Variants in RIT2 observed in about 807,000 individuals in gnomAD.
RIT2 encodes the protein GTP-binding protein Rit2.
RIT2 carries 24 observed loss-of-function variants against 23.7 expected under a neutral mutation model. The observed-to-expected ratio is 1.01, with a 90% CI of 0.73 to 1.43. The LOEUF (loss-of-function observed/expected upper bound fraction) is 1.43, where lower values mean the gene tolerates loss of function less well. RIT2 is among the 40% of genes most tolerant of loss of function. The pLI, the probability that RIT2 is intolerant of heterozygous loss-of-function variation, is 0.00. For synonymous variants in RIT2, 107 were observed against 91.1 expected, an observed-to-expected ratio of 1.17 and a Z score of -0.99; for missense variants, 236 against 266.9, an observed-to-expected ratio of 0.88 and a Z score of 0.81.
At chr18:42,833,516 C>G (rs1906518478) in intron 4 of RIT2, among the ~76,000 whole-genome samples, 1 of 152,108 alleles carries the variant, frequency 6.6e-6, no homozygotes, top group Admixed American at 6.5e-5. Flanking sequence ...ACTCTATGGG[C>G]ACGAAAGCTA....
intron 1 of RIT2, among the ~76,000 whole-genome samples, chr18:43,085,168 A>G (rs1300336844): frequency 1.3e-5 from 2 of 152,092 alleles, no homozygotes; most frequent in Admixed American, 1.3e-4. Flanking sequence ...CATTAACAAA[A>G]AAAGAAACAA....
At chr18:43,029,658 G>A (rs1211270443) in intron 2 of RIT2, among the ~76,000 whole-genome samples, 1 of 151,932 alleles carries the variant, frequency 6.6e-6, no homozygotes, top group East Asian at 1.9e-4. Flanking sequence ...CAATGAAAAA[G>A]GAATTCTTTC....
intron 1 of RIT2, among the ~76,000 whole-genome samples, chr18:43,044,126 G>C (rs180748886): frequency 6.6e-6 from 1 of 152,092 alleles, no homozygotes; most frequent in African/African-American, 2.4e-5. Context: ...GTAAAAGGGA[G>C]GTACTAAGAA....
intron 4 of RIT2, among the ~76,000 whole-genome samples, chr18:42,814,488 A>G (rs997429720): frequency 5.9e-5 from 9 of 152,136 alleles, no homozygotes; most frequent in Admixed American, 4.6e-4. Context: ...TAGTAGAGAT[A>G]GCCACAATCC....
At chr18:43,104,599 C>A (rs761627730) in intron 1 of RIT2, among the ~76,000 whole-genome samples, 4 of 152,116 alleles carry the variant, frequency 2.6e-5, no homozygotes, top group Admixed American at 6.5e-5. Context: ...GTATTCCAGA[C>A]TTCTGTTACT....
intron 1 of RIT2, among the ~76,000 whole-genome samples, chr18:43,041,622 T>G (rs1912130575): frequency 6.6e-6 from 1 of 152,166 alleles, no homozygotes; most frequent in Non-Finnish European, 1.5e-5. Flanking sequence ...GGTGACAGAT[T>G]AAAAACAATC....
At chr18:42,836,411 G>A (rs1452939451) in intron 4 of RIT2, among the ~76,000 whole-genome samples, 1 of 151,934 alleles carries the variant, frequency 6.6e-6, no homozygotes, top group African/African-American at 2.4e-5. Flanking sequence ...AGGAGCCCAT[G>A]TGTGTGGAAT....
At chr18:43,032,567 T>TA (rs1455929262) in intron 2 of RIT2, among the ~76,000 whole-genome samples, 17 of 152,180 alleles carry the variant, frequency 1.1e-4, no homozygotes, top group African/African-American at 4.1e-4. Flanking sequence ...AAAATGGACT[T>TA]AGAGAATTAC....
chr18:42,878,565 CTGTGTGTGTG>C (rs71371607), intron 4 of RIT2, among the ~76,000 whole-genome samples: 6 of 147,496 alleles, frequency 4.1e-5, no homozygotes, highest in Non-Finnish European at 7.5e-5. Context: ...AGATTCAACT[CTGTGTGTGTG>C]TGTGTGTGTG....
At position 43,095,371 on chromosome 18, in the gene RIT2, T is replaced by A. The variant is rs527293257; in HGVS notation, c.103+20046A>T. 5.9e-5 allele frequency among the ~76,000 whole-genome samples: 9 copies of A among 152,050 alleles called. No homozygotes were observed. In the South Asian group the frequency reaches 1.5e-3, roughly 25 times the overall value. Reference sequence around the variant, plus strand: ...TGCACGAATGTCTTCTTTTGAGAAGTGTCTATTCATATGTTTTGCCCATTT... The same window carrying A: ...TGCACGAATGTCTTCTTTTGAGAAGAGTCTATTCATATGTTTTGCCCATTT... On this transcript the variant is annotated intron_variant, in intron 1 of 4. Transcript: ENST00000326695.
chr18:42,895,401 T>C (rs1337210416), intron 4 of RIT2, among the ~76,000 whole-genome samples: 1 of 152,224 alleles, frequency 6.6e-6, no homozygotes, highest in Non-Finnish European at 1.5e-5. Flanking sequence ...AAATGAAACA[T>C]TTTATAATCC....
intron 4 of RIT2, among the ~76,000 whole-genome samples, chr18:42,866,145 T>C (rs1444565620): frequency 6.6e-6 from 1 of 152,204 alleles, no homozygotes; most frequent in Non-Finnish European, 1.5e-5. Flanking sequence ...ATTATGGTTT[T>C]GAAACAATTG....
At chr18:42,796,411 C>A (rs1905362329) in intron 4 of RIT2, among the ~76,000 whole-genome samples, 1 of 152,166 alleles carries the variant, frequency 6.6e-6, no homozygotes, top group Non-Finnish European at 1.5e-5. Context: ...GTAACACTCA[C>A]CGCGAGGGTC....
chr18:42,857,537 CTTA>C (rs1200614975), intron 4 of RIT2, among the ~76,000 whole-genome samples: 5 of 152,034 alleles, frequency 3.3e-5, no homozygotes, highest in African/African-American at 1.2e-4. Context: ...CTAAAAATAC[CTTA>C]TTATAGAACA....
chr18:42,823,439 CT>C (rs2143995954), intron 4 of RIT2, among the ~76,000 whole-genome samples: 1 of 152,274 alleles, frequency 6.6e-6, no homozygotes, highest in African/African-American at 2.4e-5. Flanking sequence ...CAAATACCTA[CT>C]TGGTGCAGAG....
intron 4 of RIT2, among the ~76,000 whole-genome samples, chr18:42,777,961 A>G (rs983109209): frequency 2.0e-5 from 3 of 152,122 alleles, no homozygotes; most frequent in African/African-American, 7.2e-5. Context: ...CAACATAGTA[A>G]CTCCAATTTG....
At chr18:42,867,471 A>T (rs1459928282) in intron 4 of RIT2, among the ~76,000 whole-genome samples, 1 of 152,124 alleles carries the variant, frequency 6.6e-6, no homozygotes, top group Non-Finnish European at 1.5e-5. Flanking sequence ...GGCAATCAAT[A>T]TCCTAAAAAG....
At chr18:42,873,100 G>T (rs1907660604) in intron 4 of RIT2, among the ~76,000 whole-genome samples, 1 of 152,094 alleles carries the variant, frequency 6.6e-6, no homozygotes, top group African/African-American at 2.4e-5. Context: ...TGAGGGTGAG[G>T]CTGACTTCAT....
chr18:43,024,790 T>G (rs1911673456), intron 2 of RIT2, among the ~76,000 whole-genome samples: 1 of 151,854 alleles, frequency 6.6e-6, no homozygotes, highest in Non-Finnish European at 1.5e-5. Flanking sequence ...AAGACTTTTT[T>G]TTTTCAAAAG....
Sources: allele counts gnomAD v4.1 joint callset (sites outside exome capture counted in the v4.1 genomes callset), GRCh38; gene constraint gnomAD v4.1.1; transcripts MANE v1.5; gene names NCBI Gene and HGNC (gene_info 2026-07-23, HGNC 2026-07-21).